FTO: variants seen among roughly 807,000 people sequenced by gnomAD.
FTO encodes the protein FTO alpha-ketoglutarate dependent dioxygenase.
Under a neutral mutation model 63.9 loss-of-function variants are expected in FTO, and 47 were observed. The ratio of observed to expected loss-of-function variants is 0.74; its 90% CI spans 0.58 to 0.94. FTO has a LOEUF of 0.94. Ranked by LOEUF, FTO falls within the 40% of genes least tolerant of loss-of-function variation. The probability of loss-of-function intolerance (pLI) is 0.00; values close to 1 mark genes in which losing one functional copy is unlikely to be tolerated. For synonymous variants in FTO, 207 were observed against 224.4 expected (o/e 0.92, Z 0.69); for missense variants, 562 against 618.1 (o/e 0.91, Z 0.96).
chr16:54,084,875 C>G (rs2144526459), intron 8 of FTO, among the ~76,000 whole-genome samples: 2 of 152,316 alleles, frequency 1.3e-5, no homozygotes, highest in Middle Eastern at 3.4e-3. Flanking sequence ...CATATGTCCT[C>G]TGTACCCATT....
rs1225203258 is a variant in FTO at position 54,119,172 on chromosome 16, A to G, written c.*7257A>G. ...GCCTTTCTTGAGTAGAGGTACGTTC[A>G]GCACTTCATAAAATAATCTTGGAGC... On this transcript the variant is annotated 3_prime_UTR_variant, in exon 9 of 9. Transcript: ENST00000471389. The G allele has an allele frequency of 8.5e-5, 13 of 152,222 alleles. No individual in the cohort carries two copies. Among genetic ancestry groups the G allele is most frequent in the African/African-American group, 3.1e-4 (13 of 41,458 alleles). 9.4% of individuals were successfully genotyped at this position (152,222 alleles called of 1,614,324 possible).
chr16:54,057,753 GAT>G (rs2085470930), intron 8 of FTO, among the ~76,000 whole-genome samples: 1 of 152,040 alleles, frequency 6.6e-6, no homozygotes, highest in South Asian at 2.1e-4. Flanking sequence ...ATGCTCGCCC[GAT>G]ATATAAATGC....
chr16:53,937,183 G>C, intron 8 of FTO: 1 of 398,484 alleles, frequency 2.5e-6, no homozygotes, highest in Non-Finnish European at 4.4e-6. Context: ...CCTTCTCCAA[G>C]CTTCGTAATC....
chr16:54,048,696 CCT>C lies in FTO; in HGVS notation c.1365-63060_1365-63059del, dbSNP rs546111660. Among the ~76,000 whole-genome samples the C allele has an allele frequency of 3.9e-3, 591 of 152,216 alleles. 3 individuals are homozygous for C. Among genetic ancestry groups the C allele is most frequent in the African/African-American group, 0.014 (563 of 41,536 alleles). ...TCGGCCTGATAGATTAAACATGAGC[CCT>C]CTCTCATTATTCCAGCAGCCGTAGA... On this transcript the variant is annotated intron_variant, in intron 8 of 8. Transcript: ENST00000471389.
At chr16:53,965,142 C>T (rs528234171) in intron 8 of FTO, among the ~76,000 whole-genome samples, 29 of 152,192 alleles carry the variant, frequency 1.9e-4, no homozygotes, top group Admixed American at 6.5e-4. Flanking sequence ...GGCGTGATCT[C>T]GGCTCACTGC....
At chr16:54,083,262 A>G (rs1203569538) in intron 8 of FTO, among the ~76,000 whole-genome samples, 1 of 152,152 alleles carries the variant, frequency 6.6e-6, no homozygotes, top group Non-Finnish European at 1.5e-5. Flanking sequence ...AAAGCAGCCC[A>G]TTATCTCCTC....
intron 2 of FTO, among the ~76,000 whole-genome samples, chr16:53,817,188 A>C (rs1181792484): frequency 6.6e-6 from 1 of 152,206 alleles, no homozygotes; most frequent in Non-Finnish European, 1.5e-5. Context: ...TGAAGTATTG[A>C]ATGAATGAAT....
intron 8 of FTO, among the ~76,000 whole-genome samples, chr16:53,997,610 A>C (rs1275240605): frequency 6.6e-6 from 1 of 152,038 alleles, no homozygotes; most frequent in African/African-American, 2.4e-5. Context: ...AGTATACAAA[A>C]CAGAGGGGAC....
rs2086992316 is a variant in FTO, at chr16:54,119,491, G to T, written c.*7576G>T. On this transcript the variant is annotated 3_prime_UTR_variant, in exon 9 of 9. Transcript: ENST00000471389. Reference sequence around the variant, plus strand: ...TCCCGTTGATTATGCCTTGATTAGAGTCAGGAGAGAAGCAAACCAGGTATA... The same window carrying T: ...TCCCGTTGATTATGCCTTGATTAGATTCAGGAGAGAAGCAAACCAGGTATA... 1 of 151,974 alleles carries T rather than the reference G, an allele frequency of 6.6e-6. No homozygotes were observed. Among genetic ancestry groups the T allele is most frequent in the South Asian group, 2.1e-4 (1 of 4,814 alleles). The allele number at this position is 151,974 out of a possible 1,614,324, so 9.4% of individuals were successfully genotyped here. A position where few individuals can be genotyped will look rare whatever the true frequency, so the allele number is the denominator to read the frequency against.
intron 7 of FTO, among the ~76,000 whole-genome samples, chr16:53,932,494 A>G (rs1446684940): frequency 6.6e-6 from 1 of 151,842 alleles, no homozygotes; most frequent in African/African-American, 2.4e-5. Context: ...ATTTCAAGCA[A>G]TTCTCCTGCC....
chr16:54,117,762 G>T lies in FTO; in HGVS notation c.*5847G>T, dbSNP rs946024082. The T allele has an allele frequency of 6.6e-6, 1 of 152,090 alleles. No homozygotes were observed. The highest frequency in any genetic ancestry group is 1.5e-5 in the Non-Finnish European group (1 of 68,006). The allele number at this position is 152,090 out of a possible 1,614,324, so 9.4% of individuals were successfully genotyped here. On this transcript the variant is annotated 3_prime_UTR_variant, in exon 9 of 9. Transcript: ENST00000471389. ...GGTCACCCATTGCAATTTTGGATTT[G>T]CTTAAAAAAATTCTTGCCATCACCT...
At position 54,119,948 on chromosome 16, in the gene FTO, C is replaced by A. The variant is rs1391077800; in HGVS notation, c.*8033C>A. On this transcript the variant is annotated 3_prime_UTR_variant, in exon 9 of 9. Coordinates refer to ENST00000471389, the MANE Select transcript of FTO (RefSeq NM_001080432.3). ...TTTTCAAAGAGATGCAGACCCTGTT[C>A]GATTTCCCAAGATTTAGACTGGGTC... 1 of 152,200 alleles carries A rather than the reference C, an allele frequency of 6.6e-6. No individual in the cohort carries two copies. The highest frequency in any genetic ancestry group is 1.9e-4 in the East Asian group (1 of 5,200). The allele number at this position is 152,200 out of a possible 1,614,324, so 9.4% of individuals were successfully genotyped here.
chr16:54,112,997 G>T lies in FTO; in HGVS notation c.*1082G>T, dbSNP rs73625209. 1.3e-5 allele frequency: 2 copies of T among 152,138 alleles called. No individual in the cohort carries two copies. The highest frequency in any genetic ancestry group is 4.8e-5 in the African/African-American group (2 of 41,428). 9.4% of individuals were successfully genotyped at this position (152,138 alleles called of 1,614,324 possible). A position where few individuals can be genotyped will look rare whatever the true frequency, so the allele number is the denominator to read the frequency against. On this transcript the variant is annotated 3_prime_UTR_variant, in exon 9 of 9. Coordinates refer to ENST00000471389, the MANE Select transcript of FTO (RefSeq NM_001080432.3). The stretch of plus-strand genomic sequence containing the variant: ...GCTTCGTGTCCTTTGGCATGTTAAC[G>T]TGCCTCAGTTTCCTCATCTGTATAA...
intron 8 of FTO, among the ~76,000 whole-genome samples, chr16:54,102,935 T>G (rs1414006951): frequency 6.6e-6 from 1 of 152,152 alleles, no homozygotes; most frequent in African/African-American, 2.4e-5. Flanking sequence ...GGAGGATCAC[T>G]TGAGCCCAGG....
intron 8 of FTO, among the ~76,000 whole-genome samples, chr16:53,954,718 T>C (rs2143563434): frequency 6.6e-6 from 1 of 152,040 alleles, no homozygotes; most frequent in East Asian, 1.9e-4. Context: ...GGCCCCTCTT[T>C]AGCTTTCACA....
intron 2 of FTO, among the ~76,000 whole-genome samples, chr16:53,817,917 A>G (rs1206748652): frequency 6.6e-6 from 1 of 152,234 alleles, no homozygotes; most frequent in African/African-American, 2.4e-5. Flanking sequence ...GTGAATCTCA[A>G]GAAATACAGT....
chr16:54,023,613 G>A (rs975556789), intron 8 of FTO, among the ~76,000 whole-genome samples: 2 of 152,154 alleles, frequency 1.3e-5, no homozygotes, highest in African/African-American at 2.4e-5. Context: ...CCGTTCCTTC[G>A]TAGCATTCTC....
intron 3 of FTO, among the ~76,000 whole-genome samples, chr16:53,842,708 C>T (rs926032208): frequency 2.0e-5 from 3 of 152,188 alleles, no homozygotes; most frequent in Non-Finnish European, 4.4e-5. Flanking sequence ...GGGCCTCACT[C>T]TGTTGCCCAG....
rs532928487 is a variant in FTO, at chr16:54,118,510, C to T, written c.*6595C>T. Reference sequence around the variant, plus strand: ...AAGTAGTCGGGATCATAGGCACTTGCCACCACATCCGGCTAATTTTTTTGT... The same window carrying T: ...AAGTAGTCGGGATCATAGGCACTTGTCACCACATCCGGCTAATTTTTTTGT... On this transcript the variant is annotated 3_prime_UTR_variant, in exon 9 of 9. Transcript: ENST00000471389. The T allele has an allele frequency of 3.2e-4, 49 of 152,218 alleles. 1 individual carries two copies. The highest frequency in any genetic ancestry group is 1.0e-3 in the African/African-American group (43 of 41,506). 9.4% of individuals were successfully genotyped at this position (152,218 alleles called of 1,614,324 possible). A position where few individuals can be genotyped will look rare whatever the true frequency, so the allele number is the denominator to read the frequency against.
Sources: gnomAD v4.1 joint callset for allele counts (sites outside exome capture counted in the v4.1 genomes callset) on GRCh38, gnomAD v4.1.1 for gene constraint, MANE v1.5 for transcripts, NCBI Gene and HGNC (gene_info 2026-07-23, HGNC 2026-07-21) for gene names.